WNK2: variants seen among roughly 807,000 people sequenced by gnomAD.
The protein encoded by WNK2 is serine/threonine-protein kinase WNK2.
WNK2 carries 67 observed loss-of-function variants against 192.1 expected under a neutral mutation model. The observed-to-expected ratio is 0.35, with a 90% CI of 0.29 to 0.43. The LOEUF (loss-of-function observed/expected upper bound fraction) is 0.43. Ranked by LOEUF, WNK2 falls within the 20% of genes least tolerant of loss-of-function variation. The pLI is 1.00. For missense variants in WNK2, 2,698 were observed against 3,089.7 expected (o/e 0.87, Z 3.01); for synonymous variants, 1,439 against 1,393.9 (o/e 1.03, Z -0.72).
chr9:93,304,749 C>T (rs575309833), intron 26 of WNK2, among the ~76,000 whole-genome samples: 4 of 152,196 alleles, frequency 2.6e-5, no homozygotes, highest in Non-Finnish European at 4.4e-5. Flanking sequence ...CACCTAAGGA[C>T]GGGCAGGGCT....
intron 2 of WNK2, among the ~76,000 whole-genome samples, chr9:93,212,566 G>A (rs1443160976): frequency 6.6e-6 from 1 of 152,236 alleles, no homozygotes; most frequent in Admixed American, 6.5e-5. Flanking sequence ...ATGATGGGGA[G>A]GCAGCCACAG....
chr9:93,301,932 C>T lies in WNK2; in HGVS notation c.6214+1783C>T, dbSNP rs559768854. On this transcript the variant is annotated intron_variant, in intron 26 of 29. Coordinates refer to ENST00000427277, the MANE Select transcript of WNK2 (RefSeq NM_006648.4). ...TCCCCCACACTCTGAAGTTGCTGGC[C>T]GGGGAGAGCCCAGGTGGGCCTCTGC... Among the ~76,000 whole-genome samples, 84 of 152,320 alleles carry T rather than the reference C, an allele frequency of 5.5e-4. 2 individuals carry two copies. In the South Asian group the frequency reaches 0.016, roughly 30 times the overall value.
At chr9:93,243,707 C>T (rs893628361) in intron 7 of WNK2, among the ~76,000 whole-genome samples, 8 of 152,216 alleles carry the variant, frequency 5.3e-5, no homozygotes, top group South Asian at 2.1e-4. Context: ...GGCAGGTTGA[C>T]GCTGGGTCCC....
chr9:93,243,782 C>T (rs1008818352), intron 7 of WNK2, among the ~76,000 whole-genome samples: 5 of 152,182 alleles, frequency 3.3e-5, no homozygotes, highest in African/African-American at 9.6e-5. Context: ...CACCAGAGTC[C>T]GTCACTGGCC....
At chr9:93,274,547 A>C (rs1476575992) in intron 19 of WNK2, among the ~76,000 whole-genome samples, 3 of 151,622 alleles carry the variant, frequency 2.0e-5, no homozygotes, top group African/African-American at 4.8e-5. Flanking sequence ...AAGAAAAAAA[A>C]CACATAAAAG....
chr9:93,262,906 G>T (rs1350233972), intron 14 of WNK2, among the ~76,000 whole-genome samples, 187 bp downstream of exon 14: 1 of 152,248 alleles, frequency 6.6e-6, no homozygotes, highest in Non-Finnish European at 1.5e-5. Flanking sequence ...GCCAGCTGTT[G>T]TTGGAGTTTG....
chr9:93,316,955 A>C (rs983373008), intron 28 of WNK2: 5 of 163,312 alleles, frequency 3.1e-5, no homozygotes, highest in African/African-American at 7.2e-5. Flanking sequence ...AAGAGTGCCC[A>C]GTGGGGCCCT....
chr9:93,284,456 T>G (rs1424250713), intron 19 of WNK2, among the ~76,000 whole-genome samples: 1 of 152,188 alleles, frequency 6.6e-6, no homozygotes, highest in Non-Finnish European at 1.5e-5. Flanking sequence ...AATTCTGTTT[T>G]TACAAAAAAC....
chr9:93,245,163 A>G (rs573541765), intron 7 of WNK2, among the ~76,000 whole-genome samples: 1 of 152,382 alleles, frequency 6.6e-6, no homozygotes, highest in South Asian at 2.1e-4. Flanking sequence ...AAAAATTGCA[A>G]GGACACTACA....
chr9:93,317,846 G>A lies in WNK2; in HGVS notation c.6628+215G>A, dbSNP rs902423387. 9 of 1,523,946 alleles carry A rather than the reference G, an allele frequency of 5.9e-6. 1 individual carries two copies. The highest frequency in any genetic ancestry group is 5.0e-5 in the South Asian group (4 of 79,636). The allele number at this position is 1,523,946 out of a possible 1,614,324, so 94.4% of individuals were successfully genotyped here. On this transcript the variant is annotated intron_variant, in intron 29 of 29. Coordinates refer to ENST00000427277, the MANE Select transcript of WNK2 (RefSeq NM_006648.4). Reference sequence around the variant, plus strand: ...TGCCTGGCCCCCGGCTGCGGATCACGTAGCCTTCTGCCCTGTCCCTTGCCA... The same window carrying A: ...TGCCTGGCCCCCGGCTGCGGATCACATAGCCTTCTGCCCTGTCCCTTGCCA...
chr9:93,216,607 C>A (rs1260551395), intron 2 of WNK2, among the ~76,000 whole-genome samples: 2 of 152,044 alleles, frequency 1.3e-5, no homozygotes, highest in Admixed American at 6.6e-5. Flanking sequence ...GCCTAGGTGA[C>A]AGAGTGAGAT....
rs1004865674 is a variant in WNK2 at position 93,192,700 on chromosome 9, C to T, written c.681+7090C>T. Among the ~76,000 whole-genome samples the T allele has an allele frequency of 5.9e-5, 9 of 152,284 alleles. No homozygotes were observed. The South Asian group carries it at 1.5e-3, about 25-fold the overall frequency. On this transcript the variant is annotated intron_variant, in intron 2 of 29. Transcript: ENST00000427277. ...GATTCATACAATGGGCAGCAGATTCCGAGTTTTAGGTGCTAAGACAAAATT... is the reference window on the plus strand; with the variant it reads ...GATTCATACAATGGGCAGCAGATTCTGAGTTTTAGGTGCTAAGACAAAATT...
intron 2 of WNK2, among the ~76,000 whole-genome samples, chr9:93,225,970 T>A (rs138892197): frequency 6.6e-6 from 1 of 152,222 alleles, no homozygotes; most frequent in Non-Finnish European, 1.5e-5. Flanking sequence ...TGTGGAAACA[T>A]TTCTTCCAGT....
At position 93,270,274 on chromosome 9, in the gene WNK2, A is replaced by T. The variant is rs183578740; in HGVS notation, c.4033+1528A>T. Reference sequence around the variant, plus strand: ...GCCGTGGGTTCAGGCATGTGCACGGAAGGCCTTTCTGCAGGAAGGAATATT... The same window carrying T: ...GCCGTGGGTTCAGGCATGTGCACGGTAGGCCTTTCTGCAGGAAGGAATATT... On this transcript the variant is annotated intron_variant, in intron 19 of 29. Transcript: ENST00000427277. Among the ~76,000 whole-genome samples the T allele has an allele frequency of 8.5e-5, 13 of 152,338 alleles. No individual in the cohort carries two copies. In the East Asian group the frequency reaches 2.5e-3, roughly 29 times the overall value.
At chr9:93,276,124 A>C (rs1434957779) in intron 19 of WNK2, among the ~76,000 whole-genome samples, 1 of 152,252 alleles carries the variant, frequency 6.6e-6, no homozygotes, top group Non-Finnish European at 1.5e-5. Flanking sequence ...AGTACAAAGG[A>C]AATAGAAATG....
intron 29 of WNK2, chr9:93,319,336 G>A (rs1265624224): frequency 8.6e-6 from 12 of 1,394,798 alleles, no homozygotes; most frequent in Non-Finnish European, 1.1e-5. Context: ...GGAGGAGGGT[G>A]CTGAGGGGCT....
At chr9:93,193,580 G>A (rs898342308) in intron 2 of WNK2, among the ~76,000 whole-genome samples, 31 of 152,322 alleles carry the variant, frequency 2.0e-4, no homozygotes, top group Middle Eastern at 3.4e-3. Flanking sequence ...GGGTGTGAAC[G>A]GCAGCAGCTG....
rs67350876 is a variant in WNK2, at chr9:93,274,515, CAAAAAAAA to C, written c.4033+5785_4033+5792del. On this transcript the variant is annotated intron_variant, in intron 19 of 29. Transcript: ENST00000427277. ...CAACAGTGCAAGGCTCCGTCTCAAC[CAAAAAAAA>C]AAAAAAAAAAAAAAAGAAAAAAAAC... is the stretch of plus-strand genomic sequence containing the variant. 2.2e-3 allele frequency among the ~76,000 whole-genome samples: 255 copies of C among 118,416 alleles called. 1 individual carries two copies. The highest frequency in any genetic ancestry group is 3.6e-3 in the Non-Finnish European group (205 of 56,972). 77.7% of individuals were successfully genotyped at this position (118,416 alleles called of 152,430 possible). A position where few individuals can be genotyped will look rare whatever the true frequency, so the allele number is the denominator to read the frequency against.
chr9:93,211,106 C>CCACT (rs753539695), intron 2 of WNK2, among the ~76,000 whole-genome samples: 6 of 17,356 alleles, frequency 3.5e-4, no homozygotes, highest in Admixed American at 7.3e-4. Context: ...ACTCACTCAT[C>CCACT]CACTCACTCA....
Sources: allele counts gnomAD v4.1 joint callset (sites outside exome capture counted in the v4.1 genomes callset), GRCh38; gene constraint gnomAD v4.1.1; transcripts MANE v1.5; gene names NCBI Gene and HGNC (gene_info 2026-07-23, HGNC 2026-07-21).